The following LRP1B variants were observed in gnomAD, a reference collection of about 807,000 sequenced individuals.
LRP1B encodes the protein LDL receptor related protein 1B, also known as low-density lipoprotein receptor-related protein 1B.
LRP1B carries 217 observed loss-of-function variants against 556.6 expected under a neutral mutation model. The observed-to-expected ratio is 0.39, with a 90% confidence interval of 0.35 to 0.44. The LOEUF is 0.44. Among genes scored for constraint, LRP1B ranks in the 20% least tolerant of loss-of-function variants. The pLI, the probability that LRP1B is intolerant of heterozygous loss-of-function variation, is 1.00. For synonymous variants in LRP1B, 2,047 were observed against 1,865.8 expected, an observed-to-expected ratio of 1.10 and a Z score of -2.50; for missense variants, 5,053 against 5,620.8, an observed-to-expected ratio of 0.90 and a Z score of 3.23.
intron 2 of LRP1B, among the ~76,000 whole-genome samples, chr2:141,781,448 G>A (rs1191636222): frequency 6.6e-6 from 1 of 152,136 alleles, no homozygotes; most frequent in Non-Finnish European, 1.5e-5. Flanking sequence ...CAGTCTCTAT[G>A]AGTTAGCATC....
chr2:142,043,541 A>G (rs1361443492), intron 1 of LRP1B, among the ~76,000 whole-genome samples: 2 of 151,644 alleles, frequency 1.3e-5, no homozygotes, highest in African/African-American at 4.8e-5. Context: ...TGTCAGCTGA[A>G]CAGTTAGTAG....
intron 1 of LRP1B, among the ~76,000 whole-genome samples, chr2:142,039,443 G>A (rs1291510232): frequency 7.4e-6 from 1 of 135,418 alleles, no homozygotes; most frequent in African/African-American, 2.8e-5. Context: ...CACTGATACT[G>A]GAAACAGTAT....
intron 18 of LRP1B, among the ~76,000 whole-genome samples, chr2:140,975,560 G>C (rs565477403): frequency 6.6e-6 from 1 of 152,218 alleles, no homozygotes; most frequent in African/African-American, 2.4e-5. Context: ...AGAAAGCTTT[G>C]ACTAAGATAT....
At chr2:141,093,722 CA>C (rs1403171132) in intron 7 of LRP1B, among the ~76,000 whole-genome samples, 7 of 151,184 alleles carry the variant, frequency 4.6e-5, no homozygotes, top group Non-Finnish European at 7.4e-5. Context: ...AAAAAAAAAA[CA>C]ACAATTTTTT....
chr2:141,132,131 ATACAG>A (rs750479754), intron 7 of LRP1B, among the ~76,000 whole-genome samples: 2 of 152,032 alleles, frequency 1.3e-5, no homozygotes, highest in Non-Finnish European at 2.9e-5. Flanking sequence ...ATTCATAATA[ATACAG>A]TTTCTATGGT....
chr2:140,984,034 A>G (rs1696848401), intron 17 of LRP1B, among the ~76,000 whole-genome samples: 1 of 151,812 alleles, frequency 6.6e-6, no homozygotes, highest in Non-Finnish European at 1.5e-5. Context: ...TTATAAAATT[A>G]TTTCTGCTGA....
intron 7 of LRP1B, among the ~76,000 whole-genome samples, chr2:141,123,792 C>A (rs1701126933): frequency 6.6e-6 from 1 of 152,060 alleles, no homozygotes; most frequent in African/African-American, 2.4e-5. Flanking sequence ...AGTTTCAATT[C>A]ATTAAACTGT....
chr2:141,762,189 G>C (rs1694578675), intron 2 of LRP1B, among the ~76,000 whole-genome samples: 1 of 151,964 alleles, frequency 6.6e-6, no homozygotes, highest in Non-Finnish European at 1.5e-5. Flanking sequence ...TTCTCTGTGA[G>C]ATGATGTATT....
At position 140,423,935 on chromosome 2, in the gene LRP1B, A is replaced by T. The variant is rs1466778425; in HGVS notation, c.10414+18569T>A. On this transcript the variant is annotated intron_variant, in intron 66 of 90. Transcript: ENST00000389484. ...TCAGGAAAGAGAAACTACATAATCT[A>T]AAAATTAAAACTGTATTTATATTAA... Among the ~76,000 whole-genome samples the T allele has an allele frequency of 3.3e-5, 5 of 152,152 alleles. No individual in the cohort carries two copies. The East Asian group carries it at 9.6e-4, about 29-fold the overall frequency.
chr2:140,286,656 C>T (rs1438080585), intron 84 of LRP1B, among the ~76,000 whole-genome samples: 2 of 151,812 alleles, frequency 1.3e-5, no homozygotes, highest in Non-Finnish European at 2.9e-5. Context: ...TACTTACTTT[C>T]AATGACTCAA....
At chr2:140,760,166 A>T (rs967862760) in intron 35 of LRP1B, among the ~76,000 whole-genome samples, 1 of 152,210 alleles carries the variant, frequency 6.6e-6, no homozygotes, top group African/African-American at 2.4e-5. Context: ...AGCCTGGGGA[A>T]CACATCAGAT....
At chr2:141,699,979 A>C (rs1047530344) in intron 2 of LRP1B, among the ~76,000 whole-genome samples, 1 of 150,950 alleles carries the variant, frequency 6.6e-6, no homozygotes, top group Non-Finnish European at 1.5e-5. Context: ...GAATATACAT[A>C]ATGTCATGGA....
intron 2 of LRP1B, among the ~76,000 whole-genome samples, chr2:141,512,105 G>A (rs572639255): frequency 3.3e-5 from 5 of 152,018 alleles, no homozygotes; most frequent in African/African-American, 4.8e-5. Context: ...TACTCCATAC[G>A]GAATGGATAT....
At chr2:140,473,146 T>C (rs1573977949) in intron 60 of LRP1B, among the ~76,000 whole-genome samples, 1 of 151,928 alleles carries the variant, frequency 6.6e-6, no homozygotes, top group South Asian at 2.1e-4. Flanking sequence ...GATGGTAGAG[T>C]TGGCATAATT....
At chr2:141,296,070 G>C (rs1289207529) in intron 3 of LRP1B, among the ~76,000 whole-genome samples, 1 of 152,024 alleles carries the variant, frequency 6.6e-6, no homozygotes, top group Non-Finnish European at 1.5e-5. Flanking sequence ...CTTTGTCCCA[G>C]GTTCTTCCCA....
intron 32 of LRP1B, among the ~76,000 whole-genome samples, chr2:140,782,181 C>A (rs1360835785): frequency 6.6e-6 from 1 of 152,116 alleles, no homozygotes; most frequent in Non-Finnish European, 1.5e-5. Context: ...AGGGGTTAAG[C>A]TGTGTATAAG....
chr2:140,800,000 AATGTCC>A (rs1206772745), intron 32 of LRP1B, among the ~76,000 whole-genome samples: 3 of 152,130 alleles, frequency 2.0e-5, no homozygotes, highest in African/African-American at 7.2e-5. Context: ...GGAATTCCCA[AATGTCC>A]ATCAATGATA....
In LRP1B at chr2:140,525,827, C is replaced by G. The variant is rs745465335; in HGVS notation, c.8026+17G>C. The G allele has an allele frequency of 1.9e-6, 3 of 1,604,742 alleles. No homozygotes were observed. In the South Asian group the frequency reaches 3.4e-5, roughly 18 times the overall value. ...TCTCCAAGGCAAAGCCTGTGTTTTT[C>G]TAAATTCTAGTATTACCTGGGCACT... On this transcript the variant is annotated intron_variant, in intron 49 of 90. Coordinates refer to ENST00000389484, the MANE Select transcript of LRP1B (RefSeq NM_018557.3).
chr2:140,356,973 G>A (rs1325110624), intron 74 of LRP1B, among the ~76,000 whole-genome samples: 1 of 151,624 alleles, frequency 6.6e-6, no homozygotes, highest in African/African-American at 2.4e-5. Flanking sequence ...TTTTATGCTG[G>A]ACATACATAT....
Sources: allele counts gnomAD v4.1 joint callset (sites outside exome capture counted in the v4.1 genomes callset), GRCh38; gene constraint gnomAD v4.1.1; transcripts MANE v1.5; gene names NCBI Gene and HGNC (gene_info 2026-07-23, HGNC 2026-07-21).